Variants in ENTREP2 observed in about 807,000 individuals in gnomAD.
ENTREP2 encodes the protein endosomal transmembrane epsin interactor 2, also known as protein ENTREP2.
chr15:29,397,377 T>C, the ENTREP2 span, among the ~76,000 whole-genome samples: 1 of 151,556 alleles, frequency 6.6e-6, no homozygotes, highest in East Asian at 1.9e-4. Flanking sequence ...GGCGACAGAG[T>C]GAGACTCCAT....
At chr15:29,472,456 CACACACACACACACACAT>C in the ENTREP2 span, among the ~76,000 whole-genome samples, 978 of 150,240 alleles carry the variant, frequency 6.5e-3, 12 homozygotes, top group African/African-American at 0.023. Flanking sequence ...CACACACACA[CACACACACACACACACAT>C]ATAAATTTGA....
the ENTREP2 span, among the ~76,000 whole-genome samples, chr15:29,142,453 C>T: frequency 6.6e-6 from 1 of 152,236 alleles, no homozygotes; most frequent in African/African-American, 2.4e-5. Flanking sequence ...GGAGCCCAGG[C>T]CTCAAGGACC....
At chr15:29,409,086 G>C in the ENTREP2 span, among the ~76,000 whole-genome samples, 2 of 152,098 alleles carry the variant, frequency 1.3e-5, no homozygotes, top group East Asian at 1.9e-4. Context: ...GTTCAAACTA[G>C]CTTCCAATGC....
chr15:29,673,984 A>G, the ENTREP2 span, among the ~76,000 whole-genome samples: 5 of 152,204 alleles, frequency 3.3e-5, no homozygotes, highest in Admixed American at 2.6e-4. Flanking sequence ...GCAATCCAGG[A>G]AATCTGGAGA....
At chr15:29,283,380 G>T in the ENTREP2 span, among the ~76,000 whole-genome samples, 2 of 152,010 alleles carry the variant, frequency 1.3e-5, no homozygotes, top group Admixed American at 1.3e-4. Flanking sequence ...ACAGAGTCTT[G>T]CTCTGTCACC....
At chr15:29,193,132 G>A in the ENTREP2 span, among the ~76,000 whole-genome samples, 69,313 of 151,930 alleles carry the variant, frequency 0.46, 17,354 homozygotes, top group African/African-American at 0.67. Flanking sequence ...AAGAAGTAAG[G>A]GGCATCCAGA....
chr15:29,430,481 A>G, the ENTREP2 span, among the ~76,000 whole-genome samples: 1 of 152,092 alleles, frequency 6.6e-6, no homozygotes, highest in Non-Finnish European at 1.5e-5. Context: ...GACTATGATC[A>G]TTATGAATGC....
At chr15:29,209,919 G>A in the ENTREP2 span, among the ~76,000 whole-genome samples, 1 of 152,190 alleles carries the variant, frequency 6.6e-6, no homozygotes, top group Admixed American at 6.5e-5. Context: ...GGATGTAAAA[G>A]TAAAAAGTTG....
the ENTREP2 span, among the ~76,000 whole-genome samples, chr15:29,607,304 CTTTTT>C: frequency 2.3e-5 from 3 of 131,798 alleles, no homozygotes; most frequent in Admixed American, 7.6e-5. Context: ...CTCTTCATTT[CTTTTT>C]TTTTTTTTTT....
the ENTREP2 span, among the ~76,000 whole-genome samples, chr15:29,606,424 CG>C: frequency 4.5e-4 from 68 of 151,770 alleles, no homozygotes; most frequent in African/African-American, 1.6e-3. Context: ...TTAGTAGAGA[CG>C]GGGTTTCACC....
At chr15:29,473,469 G>T in the ENTREP2 span, among the ~76,000 whole-genome samples, 1 of 152,080 alleles carries the variant, frequency 6.6e-6, no homozygotes, top group Admixed American at 6.5e-5. Context: ...TTCTGCAAAA[G>T]AATTCAAAGT....
chr15:29,655,509 G>A, the ENTREP2 span, among the ~76,000 whole-genome samples: 8 of 151,588 alleles, frequency 5.3e-5, no homozygotes, highest in Non-Finnish European at 1.5e-5. Context: ...ACACAAGAAA[G>A]CAACAAAAAG....
At chr15:29,469,921 T>C in the ENTREP2 span, among the ~76,000 whole-genome samples, 1 of 152,190 alleles carries the variant, frequency 6.6e-6, no homozygotes, top group Non-Finnish European at 1.5e-5. Flanking sequence ...TGAATTTTCT[T>C]TACCACTAAA....
At chr15:29,461,112 T>C in the ENTREP2 span, among the ~76,000 whole-genome samples, 1 of 152,348 alleles carries the variant, frequency 6.6e-6, no homozygotes, top group African/African-American at 2.4e-5. Flanking sequence ...TTTTCATGGA[T>C]GTTGGACATG....
At chr15:29,220,271 G>A in the ENTREP2 span, among the ~76,000 whole-genome samples, 9 of 152,278 alleles carry the variant, frequency 5.9e-5, no homozygotes, top group Middle Eastern at 3.4e-3. Flanking sequence ...TTCATTTAGC[G>A]CATGTGAATT....
At chr15:29,487,609 C>CTA in the ENTREP2 span, among the ~76,000 whole-genome samples, 1 of 152,214 alleles carries the variant, frequency 6.6e-6, no homozygotes, top group Non-Finnish European at 1.5e-5. Context: ...ACTCTACAGT[C>CTA]TATAGCAAGC....
the ENTREP2 span, among the ~76,000 whole-genome samples, chr15:29,624,639 C>A: frequency 6.6e-6 from 1 of 152,148 alleles, no homozygotes; most frequent in Non-Finnish European, 1.5e-5. Context: ...GGAGAAGAAC[C>A]AGCATCAGTG....
At chr15:29,183,855 A>G in the ENTREP2 span, among the ~76,000 whole-genome samples, 1 of 152,236 alleles carries the variant, frequency 6.6e-6, no homozygotes, top group Non-Finnish European at 1.5e-5. Flanking sequence ...TGGGTCTGCA[A>G]CAATGTATGA....
chr15:29,414,995 T>C, the ENTREP2 span, among the ~76,000 whole-genome samples: 1 of 152,132 alleles, frequency 6.6e-6, no homozygotes, highest in African/African-American at 2.4e-5. Flanking sequence ...GGCTCTGAAA[T>C]TGAGGCAATA....
Sources: allele counts gnomAD v4.1 joint callset (sites outside exome capture counted in the v4.1 genomes callset), GRCh38; gene constraint gnomAD v4.1.1; transcripts MANE v1.5; gene names NCBI Gene and HGNC (gene_info 2026-07-23, HGNC 2026-07-21).